Variants in CHST11 observed in about 807,000 individuals in gnomAD.
The protein encoded by CHST11 is C4S-1.
In CHST11, 9 loss-of-function variants were observed where a neutral mutation model predicts 30.4. That is an observed-to-expected ratio of 0.30 (90% CI 0.18 to 0.52). The LOEUF (loss-of-function observed/expected upper bound fraction) is 0.52, where lower values mean the gene tolerates loss of function less well. Ranked by LOEUF, CHST11 falls within the 20% of genes least tolerant of loss-of-function variation. The pLI, the probability that CHST11 is intolerant of heterozygous loss-of-function variation, is 0.97. For synonymous variants in CHST11, 152 were observed against 187.8 expected (o/e 0.81, Z 1.56); for missense variants, 348 against 460.6 (o/e 0.76, Z 2.24).
At chr12:104,537,721 G>T (rs1162135122) in intron 1 of CHST11, among the ~76,000 whole-genome samples, 2 of 86,286 alleles carry the variant, frequency 2.3e-5, no homozygotes, top group African/African-American at 8.0e-5. Flanking sequence ...TTGGAGACAG[G>T]GTCTCACTCT....
At chr12:104,509,928 C>G (rs2037948224) in intron 1 of CHST11, among the ~76,000 whole-genome samples, 1 of 152,230 alleles carries the variant, frequency 6.6e-6, no homozygotes, top group East Asian at 1.9e-4. Context: ...TTGGGGAACT[C>G]TCCTCCATTT....
At chr12:104,531,072 A>G (rs553816117) in intron 1 of CHST11, among the ~76,000 whole-genome samples, 1 of 152,234 alleles carries the variant, frequency 6.6e-6, no homozygotes, top group African/African-American at 2.4e-5. Context: ...ACTTACCTTC[A>G]TCTCTTCCCT....
chr12:104,721,430 AAG>A (rs1389610312), intron 2 of CHST11, among the ~76,000 whole-genome samples: 1 of 152,194 alleles, frequency 6.6e-6, no homozygotes, highest in Non-Finnish European at 1.5e-5. Flanking sequence ...CTTTATGGGA[AAG>A]AGAGTCAGAT....
chr12:104,665,310 G>C (rs948292512), intron 2 of CHST11, among the ~76,000 whole-genome samples: 2 of 152,228 alleles, frequency 1.3e-5, no homozygotes, highest in Non-Finnish European at 2.9e-5. Flanking sequence ...GATTTGAGGG[G>C]AAACAGAACT....
intron 1 of CHST11, among the ~76,000 whole-genome samples, chr12:104,545,354 A>G (rs751904208): frequency 1.3e-5 from 2 of 152,208 alleles, no homozygotes; most frequent in Non-Finnish European, 2.9e-5. Context: ...GTTGTGACCC[A>G]TGGACTTGAT....
At chr12:104,696,168 G>T (rs1445038977) in intron 2 of CHST11, among the ~76,000 whole-genome samples, 1 of 151,928 alleles carries the variant, frequency 6.6e-6, no homozygotes, top group Non-Finnish European at 1.5e-5. Context: ...CTTCTGTTTG[G>T]CTCCCACCCA....
rs1795866 is a variant in CHST11, at chr12:104,544,776, A to C, written c.119-57130A>C. Among the ~76,000 whole-genome samples the C allele has an allele frequency of 0.047, 2,192 of 46,880 alleles. 280 individuals are homozygous for C. The East Asian group carries it at 0.65, about 14-fold the overall frequency. 30.8% of individuals were successfully genotyped at this position (46,880 alleles called of 152,430 possible). A position where few individuals can be genotyped will look rare whatever the true frequency, so the allele number is the denominator to read the frequency against. On this transcript the variant is annotated intron_variant, in intron 1 of 2. Transcript: ENST00000303694. ...GTGCCCTGGGGGTCACAGTCCCCCC[A>C]CCCCGGAGATAATGGATTTGGTGCT...
At chr12:104,686,624 G>T (rs2039848896) in intron 2 of CHST11, among the ~76,000 whole-genome samples, 1 of 152,166 alleles carries the variant, frequency 6.6e-6, no homozygotes, top group Admixed American at 6.5e-5. Context: ...GTTTGTTGTT[G>T]TTCTGGTTTA....
Position 104,618,611 on chromosome 12 carries a change from G to A in CHST11, c.204+16620G>A, listed in dbSNP as rs550110425. Reference sequence around the variant, plus strand: ...CTGTTCTTTCTTTAAAAGGAAAATTGTAATCATGATTTGGGTCCTAGTAAG... The same window carrying A: ...CTGTTCTTTCTTTAAAAGGAAAATTATAATCATGATTTGGGTCCTAGTAAG... On this transcript the variant is annotated intron_variant, in intron 2 of 2. Coordinates refer to ENST00000303694, the MANE Select transcript of CHST11 (RefSeq NM_018413.6). Among the ~76,000 whole-genome samples, 44 of 152,132 alleles carry A rather than the reference G, an allele frequency of 2.9e-4. 1 individual carries two copies. The South Asian group carries it at 8.7e-3, about 30-fold the overall frequency.
intron 2 of CHST11, among the ~76,000 whole-genome samples, chr12:104,672,979 C>A (rs995870180): frequency 2.6e-5 from 4 of 152,188 alleles, no homozygotes; most frequent in African/African-American, 9.7e-5. Flanking sequence ...GTTCTGGAGG[C>A]CAGAAGTCCA....
At chr12:104,730,694 C>A (rs2040250339) in intron 2 of CHST11, among the ~76,000 whole-genome samples, 2 of 152,170 alleles carry the variant, frequency 1.3e-5, no homozygotes, top group Admixed American at 1.3e-4. Flanking sequence ...ATGAAAAGTC[C>A]CAGTCCAGGA....
At chr12:104,599,647 G>T (rs1161428412) in intron 1 of CHST11, among the ~76,000 whole-genome samples, 1 of 152,152 alleles carries the variant, frequency 6.6e-6, no homozygotes, top group Admixed American at 6.5e-5. Context: ...TCTCTGTACA[G>T]CCTGATCAAA....
chr12:104,549,099 A>G (rs530501815), intron 1 of CHST11, among the ~76,000 whole-genome samples: 1 of 152,348 alleles, frequency 6.6e-6, no homozygotes, highest in Admixed American at 6.5e-5. Context: ...TTGTCAAAAT[A>G]TGATTGCGGT....
chr12:104,496,213 T>C (rs59632603), intron 1 of CHST11, among the ~76,000 whole-genome samples: 1 of 152,018 alleles, frequency 6.6e-6, no homozygotes, highest in African/African-American at 2.4e-5. Context: ...TGTGTGGCAG[T>C]GGGGAGGAAG....
At chr12:104,745,152 G>A (rs1340292431) in intron 2 of CHST11, among the ~76,000 whole-genome samples, 1 of 152,166 alleles carries the variant, frequency 6.6e-6, no homozygotes, top group Non-Finnish European at 1.5e-5. Flanking sequence ...GGGATTACAG[G>A]CATAAGCCAC....
At chr12:104,532,024 T>C (rs978661960) in intron 1 of CHST11, among the ~76,000 whole-genome samples, 1 of 152,256 alleles carries the variant, frequency 6.6e-6, no homozygotes, top group African/African-American at 2.4e-5. Flanking sequence ...GATTGGGCTC[T>C]GGGCAGCTGC....
At chr12:104,592,795 A>T (rs1231113059) in intron 1 of CHST11, among the ~76,000 whole-genome samples, 1 of 152,094 alleles carries the variant, frequency 6.6e-6, no homozygotes, top group Non-Finnish European at 1.5e-5. Context: ...TTGACAACTG[A>T]TTTGTACTTG....
chr12:104,641,269 G>A (rs2039374054), intron 2 of CHST11, among the ~76,000 whole-genome samples: 1 of 152,194 alleles, frequency 6.6e-6, no homozygotes, highest in South Asian at 2.1e-4. Flanking sequence ...AAATGTGAAT[G>A]CAAAAGGGTG....
chr12:104,734,238 T>A (rs1336309796), intron 2 of CHST11, among the ~76,000 whole-genome samples: 1 of 152,236 alleles, frequency 6.6e-6, no homozygotes, highest in Non-Finnish European at 1.5e-5. Context: ...TTAAAAATTT[T>A]AAATCCAACT....
Sources: allele counts gnomAD v4.1 joint callset (sites outside exome capture counted in the v4.1 genomes callset), GRCh38; gene constraint gnomAD v4.1.1; transcripts MANE v1.5; gene names NCBI Gene and HGNC (gene_info 2026-07-23, HGNC 2026-07-21).